Variants in ESCO1 observed in about 807,000 individuals in gnomAD.
ESCO1 encodes N-acetyltransferase ESCO1.
Under a neutral mutation model 83.5 loss-of-function variants are expected in ESCO1, and 33 were observed. The observed-to-expected ratio is 0.40, with a 90% CI of 0.30 to 0.53. The LOEUF (loss-of-function observed/expected upper bound fraction) is 0.53, where lower values mean the gene tolerates loss of function less well. ESCO1 is among the 20% of genes least tolerant of loss of function. The pLI is 0.63. For synonymous variants in ESCO1, 332 were observed against 324.3 expected (o/e 1.02, Z -0.25); for missense variants, 855 against 968.0 (o/e 0.88, Z 1.55).
At chr18:21,539,852 T>TAAAA in intron 9 of ESCO1, 68 bp downstream of exon 9, 1 of 1,100,248 alleles carries the variant, frequency 9.1e-7, no homozygotes, top group Non-Finnish European at 1.3e-6. Context: ...TGTCTCAGGG[T>TAAAA]AAAAAAAAAA....
chr18:21,589,134 G>T (rs2038624485), intron 1 of ESCO1, among the ~76,000 whole-genome samples: 2 of 151,804 alleles, frequency 1.3e-5, no homozygotes, highest in Non-Finnish European at 2.9e-5. Flanking sequence ...AGCTACTCAG[G>T]AGGCTGGGGC....
At chr18:21,554,770 G>A (rs1379552546) in intron 8 of ESCO1, among the ~76,000 whole-genome samples, 1 of 152,036 alleles carries the variant, frequency 6.6e-6, no homozygotes, top group Non-Finnish European at 1.5e-5. Context: ...TTAGCCAGGA[G>A]TGGTGGTGCA....
chr18:21,579,385 T>A (rs2038462151), intron 2 of ESCO1, among the ~76,000 whole-genome samples: 1 of 144,812 alleles, frequency 6.9e-6, no homozygotes. Context: ...TGACATGAGC[T>A]CAGGAGTCTG....
chr18:21,564,860 G>A (rs199673425), intron 6 of ESCO1, among the ~76,000 whole-genome samples: 1 of 151,600 alleles, frequency 6.6e-6, no homozygotes, highest in Admixed American at 6.6e-5. Context: ...AGGAGATCGC[G>A]ACCAGCCTGG....
intron 9 of ESCO1, among the ~76,000 whole-genome samples, chr18:21,536,686 T>C (rs559212238): frequency 2.0e-5 from 3 of 151,668 alleles, no homozygotes; most frequent in Non-Finnish European, 4.4e-5. Context: ...AAGGAAGAAC[T>C]GGAGGGGGAT....
At position 21,551,178 on chromosome 18, in the gene ESCO1, C is replaced by T. The variant is rs190518944; in HGVS notation, c.1953+9681G>A. ...AAAAGACACTGAAAATGTATAGAAA[C>T]ACAATGTCCAGGCCGGGCGCAGTGG... On this transcript the variant is annotated intron_variant, in intron 8 of 11. Transcript: ENST00000269214. Among the ~76,000 whole-genome samples the T allele has an allele frequency of 9.3e-3, 1,353 of 145,428 alleles. 10 individuals carry two copies. Among genetic ancestry groups the T allele is most frequent in the Non-Finnish European group, 0.013 (866 of 66,340 alleles).
chr18:21,548,553 A>G (rs1368829790), intron 8 of ESCO1, among the ~76,000 whole-genome samples: 1 of 152,108 alleles, frequency 6.6e-6, no homozygotes, highest in Non-Finnish European at 1.5e-5. Context: ...TAATCCCAGC[A>G]CTTTGGGAGG....
intron 1 of ESCO1, among the ~76,000 whole-genome samples, chr18:21,592,800 G>C (rs1448546416): frequency 6.7e-6 from 1 of 150,094 alleles, no homozygotes; most frequent in African/African-American, 2.4e-5. Flanking sequence ...CAGACGGGGC[G>C]GCTGCCGGGC....
At chr18:21,585,607 AGCCC>A in intron 1 of ESCO1, among the ~76,000 whole-genome samples, 1 of 152,066 alleles carries the variant, frequency 6.6e-6, no homozygotes, top group South Asian at 2.1e-4. Context: ...ATGAAGTGTG[AGCCC>A]AAAACTTTGC....
At chr18:21,568,473 T>C (rs1196934929) in intron 4 of ESCO1, among the ~76,000 whole-genome samples, 1 of 152,208 alleles carries the variant, frequency 6.6e-6, no homozygotes, top group Non-Finnish European at 1.5e-5. Flanking sequence ...CCTGGCTCTA[T>C]ACCTTTTTTC....
At chr18:21,563,370 C>A (rs1236150096) in intron 7 of ESCO1, among the ~76,000 whole-genome samples, 1 of 151,684 alleles carries the variant, frequency 6.6e-6, no homozygotes, top group Non-Finnish European at 1.5e-5. Flanking sequence ...TTTTCTGAGA[C>A]AGAGTCTCGC....
At chr18:21,593,822 A>C (rs1245619842) in intron 1 of ESCO1, among the ~76,000 whole-genome samples, 4 of 152,116 alleles carry the variant, frequency 2.6e-5, no homozygotes, top group African/African-American at 4.8e-5. Flanking sequence ...AAAAAAAAAA[A>C]AAAAACCTTA....
chr18:21,568,180 T>G, intron 4 of ESCO1, 86 bp from the exon 5 acceptor site: 1 of 946,688 alleles, frequency 1.1e-6, no homozygotes, highest in Non-Finnish European at 1.6e-6. Context: ...ACTAAAAAAA[T>G]TTAACATACT....
At chr18:21,585,085 G>A (rs909710878) in intron 1 of ESCO1, among the ~76,000 whole-genome samples, 3 of 147,998 alleles carry the variant, frequency 2.0e-5, no homozygotes, top group African/African-American at 7.5e-5. Context: ...AGGGTGCAGT[G>A]AGCCGAGATC....
chr18:21,592,795 G>A (rs1221432689), intron 1 of ESCO1, among the ~76,000 whole-genome samples: 3 of 147,434 alleles, frequency 2.0e-5, no homozygotes, highest in Admixed American at 1.3e-4. Flanking sequence ...CTTCTCAGAC[G>A]GGGCGGCTGC....
At chr18:21,558,620 T>C (rs370759639) in intron 8 of ESCO1, among the ~76,000 whole-genome samples, 8 of 151,500 alleles carry the variant, frequency 5.3e-5, no homozygotes, top group East Asian at 3.9e-4. Context: ...TCTCAGCTAC[T>C]TGGGAGGCTG....
At chr18:21,568,138 T>C (rs1472648851) in intron 4 of ESCO1, 44 bp from the exon 5 acceptor site, 1 of 1,418,258 alleles carries the variant, frequency 7.1e-7, no homozygotes, top group African/African-American at 1.4e-5. Context: ...CTTTGGGTTT[T>C]ATCTAAATAA....
chr18:21,565,756 G>T (rs1174956073), intron 6 of ESCO1, among the ~76,000 whole-genome samples: 1 of 152,060 alleles, frequency 6.6e-6, no homozygotes, highest in African/African-American at 2.4e-5. Flanking sequence ...GAGCAGCATA[G>T]CAAGACCTTC....
intron 2 of ESCO1, among the ~76,000 whole-genome samples, chr18:21,582,332 C>T (rs1041810320): frequency 2.0e-5 from 3 of 151,534 alleles, no homozygotes; most frequent in African/African-American, 4.9e-5. Context: ...TGGGTTCAAG[C>T]GAGTCTCCCG....
Sources: gnomAD v4.1 joint callset for allele counts (sites outside exome capture counted in the v4.1 genomes callset) on GRCh38, gnomAD v4.1.1 for gene constraint, MANE v1.5 for transcripts, NCBI Gene and HGNC (gene_info 2026-07-23, HGNC 2026-07-21) for gene names.